Variants in PRUNE2 observed in about 807,000 individuals in gnomAD.
PRUNE2 encodes protein prune homolog 2.
PRUNE2 carries 164 observed loss-of-function variants against 252.0 expected under a neutral mutation model. That is an observed-to-expected ratio of 0.65 (90% CI 0.57 to 0.74). PRUNE2 has a LOEUF of 0.74. Ranked by LOEUF, PRUNE2 falls within the 30% of genes least tolerant of loss-of-function variation. The pLI is 0.00. For missense variants in PRUNE2, 3,495 were observed against 3,711.0 expected, an observed-to-expected ratio of 0.94 and a Z score of 1.51; for synonymous variants, 1,292 against 1,350.2, an observed-to-expected ratio of 0.96 and a Z score of 0.94.
At chr9:76,676,244 T>A (rs1344183490) in intron 9 of PRUNE2, among the ~76,000 whole-genome samples, 5 of 143,910 alleles carry the variant, frequency 3.5e-5, no homozygotes, top group Non-Finnish European at 6.0e-5. Context: ...GTGAAAACAT[T>A]AAAAAAAAAA....
chr9:76,757,673 T>C lies in PRUNE2; in HGVS notation c.757-43952A>G, dbSNP rs143381014. Among the ~76,000 whole-genome samples the C allele has an allele frequency of 4.1e-3, 625 of 152,274 alleles. 7 individuals carry two copies. Among genetic ancestry groups the C allele is most frequent in the African/African-American group, 0.015 (610 of 41,538 alleles). ...GTTTCTTGTGGAATGGTCAAGAGATTACAACAGGCCAGGCATGGTGGCTCA... is the reference window on the plus strand; with the variant it reads ...GTTTCTTGTGGAATGGTCAAGAGATCACAACAGGCCAGGCATGGTGGCTCA... On this transcript the variant is annotated intron_variant, in intron 6 of 18. Coordinates refer to ENST00000376718, the MANE Select transcript of PRUNE2 (RefSeq NM_015225.3).
chr9:76,713,551 G>T lies in PRUNE2; in HGVS notation c.915+12C>A. 6.2e-7 allele frequency: 1 copy of T among 1,603,394 alleles called. No homozygotes were observed. Among genetic ancestry groups the T allele is most frequent in the Non-Finnish European group, 8.5e-7 (1 of 1,174,510 alleles). ...ACAGAGGGAACATGACGGGGTCAGA[G>T]GAGGGGCTCACCTGACTGCACAGCT... On this transcript the variant is annotated intron_variant, in intron 7 of 18. Transcript: ENST00000376718.
intron 16 of PRUNE2, chr9:76,624,886 GGACAA>G: frequency 2.0e-6 from 1 of 489,424 alleles, no homozygotes; most frequent in Non-Finnish European, 3.7e-6. Flanking sequence ...TTTACACACA[GGACAA>G]AGACTGAAAA....
At chr9:76,679,290 T>A (rs2043162976) in intron 9 of PRUNE2, among the ~76,000 whole-genome samples, 1 of 152,180 alleles carries the variant, frequency 6.6e-6, no homozygotes. Context: ...TTAAATACAA[T>A]AGTGGTTTTC....
chr9:76,633,305 G>T (rs1838547180), intron 15 of PRUNE2, among the ~76,000 whole-genome samples: 1 of 152,080 alleles, frequency 6.6e-6, no homozygotes, highest in African/African-American at 2.4e-5. Flanking sequence ...CAGAGGCCAG[G>T]CATGGTGGCT....
At chr9:76,738,306 C>T (rs1489803154) in intron 6 of PRUNE2, 1 of 152,132 alleles carries the variant, frequency 6.6e-6, no homozygotes, top group Non-Finnish European at 1.5e-5. Flanking sequence ...GCCCATTTAT[C>T]ACACAACCAA....
At chr9:76,801,520 T>C (rs557735305) in intron 6 of PRUNE2, among the ~76,000 whole-genome samples, 5 of 152,174 alleles carry the variant, frequency 3.3e-5, no homozygotes, top group Non-Finnish European at 1.5e-5. Flanking sequence ...TTTTCAAATA[T>C]ATTATCAAAA....
At chr9:76,819,635 A>G (rs191927883) in intron 6 of PRUNE2, 1 of 152,328 alleles carries the variant, frequency 6.6e-6, no homozygotes, top group Admixed American at 6.5e-5. Context: ...AATAAATCAT[A>G]CTGCAATTGA....
rs144733923 is a variant in PRUNE2, at chr9:76,875,763, G to A, written c.37-21555C>T. Among the ~76,000 whole-genome samples, 1,471 of 152,294 alleles carry A rather than the reference G, an allele frequency of 9.7e-3. 9 individuals are homozygous for A. Among genetic ancestry groups the A allele is most frequent in the Non-Finnish European group, 0.016 (1,099 of 68,028 alleles). ...TAAATGTTTATAATAGAATGAATAG[G>A]GAATGTGGGCACAGAGGTTCTCTCA... On this transcript the variant is annotated intron_variant, in intron 1 of 18. Coordinates refer to ENST00000376718, the MANE Select transcript of PRUNE2 (RefSeq NM_015225.3).
chr9:76,629,405 C>T, intron 15 of PRUNE2, 115 bp from the exon 16 acceptor site: 1 of 561,816 alleles, frequency 1.8e-6, no homozygotes, highest in Non-Finnish European at 3.1e-6. Flanking sequence ...AGCACTCTTA[C>T]TAAGAGGCTA....
intron 9 of PRUNE2, among the ~76,000 whole-genome samples, chr9:76,679,399 A>C (rs532551253): frequency 6.6e-6 from 1 of 152,332 alleles, no homozygotes; most frequent in East Asian, 1.9e-4. Context: ...AATAGCCAAA[A>C]CAATCTTGAA....
intron 1 of PRUNE2, among the ~76,000 whole-genome samples, chr9:76,867,026 T>C (rs1307026868): frequency 6.6e-6 from 1 of 152,160 alleles, no homozygotes; most frequent in African/African-American, 2.4e-5. Flanking sequence ...AACCAAATAT[T>C]TGCTGAAAGA....
chr9:76,792,577 C>T (rs2055660357), intron 6 of PRUNE2, among the ~76,000 whole-genome samples: 1 of 152,198 alleles, frequency 6.6e-6, no homozygotes, highest in Admixed American at 6.5e-5. Flanking sequence ...ATGCAACATT[C>T]TCATCTGCAT....
chr9:76,873,205 A>C (rs1329662845), intron 1 of PRUNE2, among the ~76,000 whole-genome samples: 1 of 152,156 alleles, frequency 6.6e-6, no homozygotes, highest in African/African-American at 2.4e-5. Flanking sequence ...CTGTTGTTTA[A>C]GCCACTCCAT....
At chr9:76,884,641 C>T (rs759875860) in intron 1 of PRUNE2, among the ~76,000 whole-genome samples, 9 of 152,178 alleles carry the variant, frequency 5.9e-5, no homozygotes, top group Non-Finnish European at 1.3e-4. Context: ...TTCATTTTCT[C>T]CTTTCTCTGT....
chr9:76,640,235 T>C (rs982790137), intron 12 of PRUNE2, among the ~76,000 whole-genome samples: 12 of 152,200 alleles, frequency 7.9e-5, no homozygotes, highest in African/African-American at 2.9e-4. Flanking sequence ...GGTGATTTCA[T>C]GGCAGTAAAG....
intron 1 of PRUNE2, among the ~76,000 whole-genome samples, chr9:76,904,592 C>T (rs2063371699): frequency 6.6e-6 from 1 of 152,156 alleles, no homozygotes; most frequent in Non-Finnish European, 1.5e-5. Context: ...TCAGAAATGC[C>T]AAATACTTAC....
chr9:76,752,402 C>T (rs2050715688), intron 6 of PRUNE2, among the ~76,000 whole-genome samples: 1 of 152,080 alleles, frequency 6.6e-6, no homozygotes. Flanking sequence ...CGGCAACTCA[C>T]TCAATTCTTA....
intron 6 of PRUNE2, among the ~76,000 whole-genome samples, chr9:76,822,026 C>T (rs915208349): frequency 6.6e-6 from 1 of 152,070 alleles, no homozygotes; most frequent in African/African-American, 2.4e-5. Context: ...GAGAGGGGAA[C>T]AGAGAAAGAA....
Sources: allele counts gnomAD v4.1 joint callset (sites outside exome capture counted in the v4.1 genomes callset), GRCh38; gene constraint gnomAD v4.1.1; transcripts MANE v1.5; gene names NCBI Gene and HGNC (gene_info 2026-07-23, HGNC 2026-07-21).